BPTF: variants seen among roughly 807,000 people sequenced by gnomAD.
BPTF encodes the protein bromodomain PHD finger transcription factor.
BPTF carries 18 observed loss-of-function variants against 292.5 expected under a neutral mutation model. The observed-to-expected ratio is 0.06, with a 90% CI of 0.04 to 0.09. BPTF has a LOEUF of 0.09. Among genes scored for constraint, BPTF ranks in the 10% least tolerant of loss-of-function variants. BPTF has a pLI of 1.00. For synonymous variants in BPTF, 1,225 were observed against 1,251.9 expected, an observed-to-expected ratio of 0.98 and a Z score of 0.45; for missense variants, 2,726 against 3,498.7, an observed-to-expected ratio of 0.78 and a Z score of 5.57.
intron 19 of BPTF, among the ~76,000 whole-genome samples, chr17:67,942,662 A>G (rs1490964641): frequency 6.6e-6 from 1 of 152,184 alleles, no homozygotes; most frequent in African/African-American, 2.4e-5. Flanking sequence ...GAGCACCAGA[A>G]TACATGGCAT....
rs1473770481 is a variant in BPTF at position 67,893,528 on chromosome 17, G to A, written c.2214G>A (p.Lys738=). Residue 738 remains lysine (K), a synonymous_variant, in exon 6 of 28, where the codon AAG becomes AAA. Transcript: ENST00000306378. ...CCACCAATTCATTTGCTTTGAATAA[G>A]CACCAGCACAGAGAAGACCATGATA... ...QYSTNSFALN[K]HQHREDHDKR... The A allele has an allele frequency of 6.2e-7, 1 of 1,614,114 alleles. No individual in the cohort carries two copies. Among genetic ancestry groups the A allele is most frequent in the Non-Finnish European group, 8.5e-7 (1 of 1,179,992 alleles).
chr17:67,976,016 TTCTG>T, intron 27 of BPTF, 58 bp downstream of exon 27: 4 of 1,371,926 alleles, frequency 2.9e-6, no homozygotes, highest in African/African-American at 1.5e-5. Flanking sequence ...CTTTATACTA[TTCTG>T]TCTAACGATT....
chr17:67,954,942 A>G (rs1242445623), intron 23 of BPTF, among the ~76,000 whole-genome samples: 1 of 152,222 alleles, frequency 6.6e-6, no homozygotes, highest in Non-Finnish European at 1.5e-5. Context: ...AGACAGAAAC[A>G]GATTCATTAA....
intron 2 of BPTF, among the ~76,000 whole-genome samples, chr17:67,858,767 G>T (rs2058888071): frequency 6.6e-6 from 1 of 152,168 alleles, no homozygotes; most frequent in South Asian, 2.1e-4. Context: ...GTGAAATTTA[G>T]TCCATGCTCC....
chr17:67,887,397 C>T (rs117163533), intron 4 of BPTF, among the ~76,000 whole-genome samples: 1 of 152,198 alleles, frequency 6.6e-6, no homozygotes, highest in Non-Finnish European at 1.5e-5. Flanking sequence ...TTTAGCTCTT[C>T]GTTGTCATAC....
chr17:67,844,861 A>C (rs1270865940), intron 1 of BPTF, among the ~76,000 whole-genome samples: 1 of 151,734 alleles, frequency 6.6e-6, no homozygotes. Context: ...CTCTTGCCTC[A>C]GCCTCCCTAG....
intron 18 of BPTF, among the ~76,000 whole-genome samples, chr17:67,937,506 C>A (rs1454399255): frequency 1.3e-5 from 2 of 152,034 alleles, no homozygotes. Context: ...CTGAGAAGGA[C>A]TCACTAACAA....
At chr17:67,870,756 T>C (rs758450632) in intron 3 of BPTF, among the ~76,000 whole-genome samples, 12 of 139,174 alleles carry the variant, frequency 8.6e-5, no homozygotes, top group Non-Finnish European at 1.6e-4. Flanking sequence ...TCAAAGAAAA[T>C]GCTTCATTTC....
chr17:67,886,126 A>G, intron 4 of BPTF: 7 of 1,530,360 alleles, frequency 4.6e-6, no homozygotes, highest in African/African-American at 1.4e-5. Context: ...CTATTTTTCT[A>G]GAAGAACCTA....
intron 1 of BPTF, among the ~76,000 whole-genome samples, chr17:67,843,236 A>G (rs983678804): frequency 2.7e-5 from 4 of 150,378 alleles, no homozygotes; most frequent in East Asian, 1.9e-4. Flanking sequence ...CTATATATCT[A>G]CATACATGTA....
intron 26 of BPTF, chr17:67,974,976 C>A (rs1555693050): frequency 6.6e-6 from 1 of 152,232 alleles, no homozygotes; most frequent in Non-Finnish European, 1.5e-5. Flanking sequence ...TCCCAACCCT[C>A]CAATCCTGAC....
intron 19 of BPTF, 41 bp downstream of exon 19, chr17:67,940,697 T>A (rs782459473): frequency 1.5e-5 from 24 of 1,564,514 alleles, no homozygotes; most frequent in Non-Finnish European, 2.1e-5. Flanking sequence ...GAGGTGATCT[T>A]ATTTATTCTT....
intron 1 of BPTF, among the ~76,000 whole-genome samples, chr17:67,839,156 ATTGCATTGTGT>A (rs1567870158): frequency 2.1e-4 from 32 of 152,282 alleles, no homozygotes; most frequent in African/African-American, 7.7e-4. Context: ...AAAGAAACAA[ATTGCATTGTGT>A]ACCACCTCCA....
chr17:67,865,591 C>G (rs1459295677), intron 2 of BPTF, among the ~76,000 whole-genome samples: 2 of 152,164 alleles, frequency 1.3e-5, no homozygotes, highest in Non-Finnish European at 2.9e-5. Context: ...TTTCAGTTCC[C>G]TCAGTTTGCC....
At chr17:67,904,055 G>A in intron 8 of BPTF, 137 bp downstream of exon 8, 1 of 840,772 alleles carries the variant, frequency 1.2e-6, no homozygotes, top group African/African-American at 1.8e-5. Flanking sequence ...TTGAGACAGA[G>A]TCTCGCTCTG....
chr17:67,902,468 G>A (rs950057820), intron 7 of BPTF, among the ~76,000 whole-genome samples: 2 of 152,180 alleles, frequency 1.3e-5, no homozygotes, highest in Non-Finnish European at 2.9e-5. Context: ...CTTCTCCTTA[G>A]TTCCAAGCGT....
At chr17:67,946,735 A>C (rs1453207241) in intron 21 of BPTF, among the ~76,000 whole-genome samples, 1 of 152,254 alleles carries the variant, frequency 6.6e-6, no homozygotes, top group Non-Finnish European at 1.5e-5. Flanking sequence ...GATTAAACTC[A>C]TTTGCATTTC....
At chr17:67,956,997 A>G (rs1220461133) in intron 23 of BPTF, 1 of 151,870 alleles carries the variant, frequency 6.6e-6, no homozygotes, top group Admixed American at 6.6e-5. Flanking sequence ...CTTTAAAGGA[A>G]ACGTGCCCGG....
chr17:67,961,999 C>T (rs1307910154), intron 24 of BPTF, among the ~76,000 whole-genome samples: 3 of 151,674 alleles, frequency 2.0e-5, no homozygotes, highest in South Asian at 2.1e-4. Context: ...GAAAAAAAGC[C>T]GGGCCTGGTG....
Sources: allele counts gnomAD v4.1 joint callset (sites outside exome capture counted in the v4.1 genomes callset), GRCh38; gene constraint gnomAD v4.1.1; transcripts MANE v1.5; gene names NCBI Gene and HGNC (gene_info 2026-07-23, HGNC 2026-07-21).